The following PLBD2 variants were observed in gnomAD, a reference collection of about 807,000 sequenced individuals.
PLBD2 encodes the protein phospholipase B domain containing 2.
In PLBD2, 51 loss-of-function variants were observed where a neutral mutation model predicts 68.3. The observed-to-expected ratio is 0.75, with a 90% confidence interval of 0.60 to 0.94. The LOEUF (loss-of-function observed/expected upper bound fraction) is 0.94, where lower values mean the gene tolerates loss of function less well. PLBD2 is among the 40% of genes least tolerant of loss of function. The pLI is 0.00. For missense variants in PLBD2, 729 were observed against 792.2 expected, an observed-to-expected ratio of 0.92 and a Z score of 0.96; for synonymous variants, 314 against 339.3, an observed-to-expected ratio of 0.93 and a Z score of 0.82.
chr12:113,363,066 G>A (rs961226639), intron 1 of PLBD2, among the ~76,000 whole-genome samples: 1 of 152,052 alleles, frequency 6.6e-6, no homozygotes, highest in African/African-American at 2.4e-5. Context: ...AAAGTGCTGG[G>A]ATTACAGGTG....
chr12:113,380,903 C>A, intron 6 of PLBD2, 61 bp downstream of exon 6: 1 of 1,464,884 alleles, frequency 6.8e-7, no homozygotes, highest in East Asian at 2.5e-5. Flanking sequence ...CGGCTCTGAG[C>A]TGGCAGGATT....
chr12:113,365,593 G>C (rs1392209658), intron 1 of PLBD2, among the ~76,000 whole-genome samples: 2 of 151,964 alleles, frequency 1.3e-5, no homozygotes, highest in African/African-American at 4.8e-5. Flanking sequence ...GATTACAGGC[G>C]TGAGCCACCG....
At chr12:113,361,904 A>G (rs1041050553) in intron 1 of PLBD2, among the ~76,000 whole-genome samples, 1 of 152,174 alleles carries the variant, frequency 6.6e-6, no homozygotes, top group African/African-American at 2.4e-5. Flanking sequence ...GAGGAAGTGA[A>G]TCAAAGTTAG....
chr12:113,385,198 C>T lies in PLBD2; in HGVS notation c.1215-14C>T. The T allele has an allele frequency of 6.2e-7, 1 of 1,614,052 alleles. No individual in the cohort carries two copies. The highest frequency in any genetic ancestry group is 8.5e-7 in the Non-Finnish European group (1 of 1,179,902). Reference sequence around the variant, plus strand: ...TTCTGATCACCTCCACCCCATCTCTCTTCTCGGTCTCAGCGGCATGGTGGT... The same window carrying T: ...TTCTGATCACCTCCACCCCATCTCTTTTCTCGGTCTCAGCGGCATGGTGGT... On this transcript the variant is annotated splice_polypyrimidine_tract_variant and intron_variant, in intron 8 of 11. Coordinates refer to ENST00000280800, the MANE Select transcript of PLBD2 (RefSeq NM_173542.4).
intron 9 of PLBD2, 76 bp from the exon 10 acceptor site, chr12:113,386,861 C>T: frequency 6.5e-7 from 1 of 1,548,548 alleles, no homozygotes; most frequent in African/African-American, 1.4e-5. Context: ...GTGTGACTGC[C>T]CCTCCCCTCC....
chr12:113,375,081 T>C lies in PLBD2; in HGVS notation c.859+74T>C, dbSNP rs968787846. 12 of 1,405,046 alleles carry C rather than the reference T, an allele frequency of 8.5e-6. No homozygotes were observed. The African/African-American group carries it at 1.7e-4, about 20-fold the overall frequency. 87.0% of individuals were successfully genotyped at this position (1,405,046 alleles called of 1,614,324 possible). The stretch of plus-strand genomic sequence containing the variant: ...CACGTGGGGAGTGGTCCTAGGAGGT[T>C]TGGGCCTTGGAAACCCTCCCAACAC... On this transcript the variant is annotated intron_variant, in intron 5 of 11. Transcript: ENST00000280800.
In PLBD2 at chr12:113,374,565, T is replaced by A. The variant is rs1565860973; in HGVS notation, c.635T>A (p.Leu212Ter). The A allele has an allele frequency of 6.3e-7, 1 of 1,597,564 alleles. No homozygotes were observed. Among genetic ancestry groups the A allele is most frequent in the Non-Finnish European group, 8.5e-7 (1 of 1,172,282 alleles). The stretch of plus-strand genomic sequence containing the variant: ...GCTGGGAAGTTCACCATCAAACCCT[T>A]GGGGTTCCTGTAAGTGCCACCCCCA... ...FPAGKFTIKP[L>*]GFLLLQLSGD... Residue 212 changes from leucine to a stop codon, truncating the protein, a stop_gained, in exon 4 of 12, where the codon TTG becomes TAG. Coordinates refer to ENST00000280800, the MANE Select transcript of PLBD2 (RefSeq NM_173542.4). LOFTEE classifies it high-confidence loss of function.
chr12:113,379,307 C>CAAA (rs759130410), intron 5 of PLBD2, among the ~76,000 whole-genome samples: 12 of 46,408 alleles, frequency 2.6e-4, no homozygotes, highest in Admixed American at 9.2e-4. Flanking sequence ...GACTCTGTCT[C>CAAA]AAAAAAAAAA....
rs1177390855 is a variant in PLBD2, at chr12:113,388,616, C to T, written c.1760C>T (p.Ser587Leu). 5 of 1,588,572 alleles carry T rather than the reference C, an allele frequency of 3.1e-6. No individual in the cohort carries two copies. Among genetic ancestry groups the T allele is most frequent in the Admixed American group, 1.8e-5 (1 of 55,842 alleles). The change falls in exon 12 of 12, where the codon TCA becomes TTA. Residue 587 changes from serine (S) to leucine (L), a missense_variant. Coordinates refer to ENST00000280800, the MANE Select transcript of PLBD2 (RefSeq NM_173542.4). ...TGGAAGTTCGCGCCTGTCAAGGTTT[C>T]ATGGGACTGAAGTTCTGTCCCTGCT... ...DLWKFAPVKVSWD is the reference protein window; with the variant it reads ...DLWKFAPVKVLWD
At chr12:113,378,306 A>AT (rs1340098326) in intron 5 of PLBD2, among the ~76,000 whole-genome samples, 5 of 151,766 alleles carry the variant, frequency 3.3e-5, no homozygotes, top group African/African-American at 4.8e-5. Context: ...AAAAAAAAAA[A>AT]TTTCCAAGGG....
intron 5 of PLBD2, among the ~76,000 whole-genome samples, 165 bp from the exon 6 acceptor site, chr12:113,380,579 CT>C (rs1957478783): frequency 6.6e-6 from 1 of 152,180 alleles, no homozygotes; most frequent in South Asian, 2.1e-4. Context: ...CGTATATGCA[CT>C]TTTATATGCC....
rs1363903082 is a variant in PLBD2 at position 113,361,475 on chromosome 12, G to A, written c.290+2585G>A. 2.6e-5 allele frequency among the ~76,000 whole-genome samples: 4 copies of A among 151,380 alleles called. No individual in the cohort carries two copies. The East Asian group carries it at 7.7e-4, about 29-fold the overall frequency. On this transcript the variant is annotated intron_variant, in intron 1 of 11. Coordinates refer to ENST00000280800, the MANE Select transcript of PLBD2 (RefSeq NM_173542.4). ...CGACCTCGGCCTCCCAAGTAGCTGG[G>A]ACTATAGATACGCACCCCCATGCCT... is the stretch of plus-strand genomic sequence containing the variant.
chr12:113,362,963 T>G (rs1284337664), intron 1 of PLBD2, among the ~76,000 whole-genome samples: 5 of 151,640 alleles, frequency 3.3e-5, no homozygotes. Flanking sequence ...TTTTTTTTTT[T>G]TTTTGTAATT....
In PLBD2 at chr12:113,374,857, CCTT is replaced by C. The variant is rs762456896; in HGVS notation, c.712_714del (p.Ser238del). 2 of 1,613,992 alleles carry C rather than the reference CCTT, an allele frequency of 1.2e-6. No homozygotes were observed. The highest frequency in any genetic ancestry group is 1.7e-6 in the Non-Finnish European group (2 of 1,180,038). ...GGCCCTGAACAAGACCAAGATCAAACCTTCTCTGGGCTCTGGCTCCTGTTCTGC... is the reference window on the plus strand; with the variant it reads ...GGCCCTGAACAAGACCAAGATCAAACCTCTGGGCTCTGGCTCCTGTTCTGC... On this transcript the variant is annotated inframe_deletion, in exon 5 of 12. Transcript: ENST00000280800.
chr12:113,375,845 GAC>G (rs1249424250), intron 5 of PLBD2, among the ~76,000 whole-genome samples: 1 of 152,142 alleles, frequency 6.6e-6, no homozygotes, highest in Non-Finnish European at 1.5e-5. Context: ...TGGTGAAACT[GAC>G]ACAGCATTCT....
rs60580305 is a variant in PLBD2, at chr12:113,387,624, G to T, written c.1440-120G>T. ...GAACTGTCGGGGGTAGTGTGCAGTG[G>T]GAGGGGCTCATCAAGTTGAAGGCTG... On this transcript the variant is annotated intron_variant, in intron 10 of 11. Transcript: ENST00000280800. The T allele has an allele frequency of 6.5e-3, 7,222 of 1,114,444 alleles. 302 individuals are homozygous for T. In the African/African-American group the frequency reaches 0.096, roughly 15 times the overall value. The allele number at this position is 1,114,444 out of a possible 1,614,324, so 69.0% of individuals were successfully genotyped here.
chr12:113,374,085 A>G (rs958188202), intron 3 of PLBD2, among the ~76,000 whole-genome samples: 3 of 152,164 alleles, frequency 2.0e-5, no homozygotes, highest in South Asian at 4.1e-4. Flanking sequence ...CAAAATGATG[A>G]CAATGGGGAG....
intron 1 of PLBD2, among the ~76,000 whole-genome samples, chr12:113,361,933 G>A (rs1385011957): frequency 1.3e-5 from 2 of 152,140 alleles, no homozygotes; most frequent in Admixed American, 6.6e-5. Flanking sequence ...AACAAATTTA[G>A]TAAACGGGGA....
In PLBD2 at chr12:113,374,877, C is replaced by T. The variant is rs1487622171; in HGVS notation, c.729C>T (p.Ser243=). The change falls in exon 5 of 12, where the codon TCC becomes TCT. Residue 243 remains serine (S), a synonymous_variant. Coordinates refer to ENST00000280800, the MANE Select transcript of PLBD2 (RefSeq NM_173542.4). ...TCAAACCTTCTCTGGGCTCTGGCTC[C>T]TGTTCTGCCCTCATCAAGCTGCTCC... is the stretch of plus-strand genomic sequence containing the variant. The part of the protein sequence containing the change: ...TKIKPSLGSG[S]CSALIKLLPG... The T allele has an allele frequency of 6.2e-7, 1 of 1,613,948 alleles. No individual in the cohort carries two copies. The highest frequency in any genetic ancestry group is 1.3e-5 in the African/African-American group (1 of 74,926).
Sources: allele counts gnomAD v4.1 joint callset (sites outside exome capture counted in the v4.1 genomes callset), GRCh38; gene constraint gnomAD v4.1.1; transcripts MANE v1.5; gene names NCBI Gene and HGNC (gene_info 2026-07-23, HGNC 2026-07-21).